The following SORCS2 variants were observed in gnomAD, a reference collection of about 807,000 sequenced individuals.
The protein encoded by SORCS2 is sortilin related VPS10 domain containing receptor 2.
In SORCS2, 100 loss-of-function variants were observed where a neutral mutation model predicts 141.6. The observed-to-expected ratio is 0.71, with a 90% CI of 0.60 to 0.83. The LOEUF (loss-of-function observed/expected upper bound fraction) is 0.83. Among genes scored for constraint, SORCS2 ranks in the 40% least tolerant of loss-of-function variants. The pLI is 0.00. For missense variants in SORCS2, 1,646 were observed against 1,560.2 expected, an observed-to-expected ratio of 1.05 and a Z score of -0.93; for synonymous variants, 789 against 676.9, an observed-to-expected ratio of 1.17 and a Z score of -2.57.
intron 2 of SORCS2, among the ~76,000 whole-genome samples, chr4:7,461,832 A>G (rs1729331813): frequency 6.6e-6 from 1 of 151,890 alleles, no homozygotes; most frequent in Non-Finnish European, 1.5e-5. Flanking sequence ...GCCCCACCCC[A>G]CATCTGCCCA....
intron 2 of SORCS2, among the ~76,000 whole-genome samples, chr4:7,402,585 A>T (rs1384435600): frequency 6.6e-6 from 1 of 152,064 alleles, no homozygotes. Flanking sequence ...AGATTTTGCC[A>T]CTCCAATCAG....
chr4:7,499,174 G>A (rs111828552), intron 2 of SORCS2, among the ~76,000 whole-genome samples: 2 of 152,104 alleles, frequency 1.3e-5, no homozygotes, highest in African/African-American at 4.8e-5. Context: ...GTGAGTGCAT[G>A]TATGTGTATG....
At chr4:7,620,724 C>A (rs930613389) in intron 3 of SORCS2, among the ~76,000 whole-genome samples, 1 of 152,216 alleles carries the variant, frequency 6.6e-6, no homozygotes, top group Non-Finnish European at 1.5e-5. Context: ...GGCTGTGGGG[C>A]AGGAGCTCTT....
chr4:7,500,798 C>T (rs1442779727), intron 2 of SORCS2, among the ~76,000 whole-genome samples: 1 of 152,180 alleles, frequency 6.6e-6, no homozygotes, highest in African/African-American at 2.4e-5. Flanking sequence ...CGAGTGGGAG[C>T]CTCAGCGACC....
At chr4:7,496,198 C>T (rs886357935) in intron 2 of SORCS2, among the ~76,000 whole-genome samples, 18 of 152,144 alleles carry the variant, frequency 1.2e-4, no homozygotes, top group African/African-American at 4.1e-4. Context: ...AACCTGACTC[C>T]CTGTCTATCA....
intron 3 of SORCS2, among the ~76,000 whole-genome samples, chr4:7,614,605 TCCACCTATC>T (rs1718634656): frequency 6.7e-6 from 1 of 148,900 alleles, no homozygotes; most frequent in Non-Finnish European, 1.5e-5. Context: ...CATCCACCTA[TCCACCTATC>T]CACCATCCAC....
At chr4:7,330,715 C>T (rs1480420278) in intron 1 of SORCS2, among the ~76,000 whole-genome samples, 1 of 152,064 alleles carries the variant, frequency 6.6e-6, no homozygotes, top group Non-Finnish European at 1.5e-5. Context: ...CGCACCTGCC[C>T]TCAGAGGCAG....
chr4:7,268,427 C>T (rs1560152552), intron 1 of SORCS2, among the ~76,000 whole-genome samples: 1 of 152,192 alleles, frequency 6.6e-6, no homozygotes, highest in East Asian at 1.9e-4. Flanking sequence ...AACCCCTCTC[C>T]CATCCCTCGT....
chr4:7,665,389 C>A (rs1023106497), intron 7 of SORCS2, among the ~76,000 whole-genome samples: 1 of 152,234 alleles, frequency 6.6e-6, no homozygotes, highest in African/African-American at 2.4e-5. Context: ...CCTGCCCAGT[C>A]TCCACTGCTC....
intron 12 of SORCS2, among the ~76,000 whole-genome samples, chr4:7,701,970 G>A (rs1237280052): frequency 6.6e-6 from 1 of 152,154 alleles, no homozygotes; most frequent in Non-Finnish European, 1.5e-5. Context: ...GGTCAGCCGA[G>A]CCTCCTTCCT....
At chr4:7,312,951 C>A (rs1284117933) in intron 1 of SORCS2, among the ~76,000 whole-genome samples, 2 of 152,368 alleles carry the variant, frequency 1.3e-5, no homozygotes, top group African/African-American at 4.8e-5. Context: ...CAGCGACTGT[C>A]CTGATAGCTG....
chr4:7,621,605 G>A (rs1223785683), intron 3 of SORCS2, among the ~76,000 whole-genome samples: 1 of 152,168 alleles, frequency 6.6e-6, no homozygotes, highest in Non-Finnish European at 1.5e-5. Flanking sequence ...GTCTATGTGT[G>A]TGTATTTTGG....
chr4:7,350,045 C>A (rs769529111), intron 1 of SORCS2, among the ~76,000 whole-genome samples: 1 of 152,150 alleles, frequency 6.6e-6, no homozygotes, highest in Non-Finnish European at 1.5e-5. Context: ...AAAAAATAGC[C>A]ATGAACGAAA....
chr4:7,370,074 C>T (rs76984738), intron 1 of SORCS2, among the ~76,000 whole-genome samples: 1 of 152,090 alleles, frequency 6.6e-6, no homozygotes, highest in African/African-American at 2.4e-5. Flanking sequence ...TCAGTGCCCC[C>T]CCAGCTTAGC....
chr4:7,196,860 G>A (rs960390589), intron 1 of SORCS2, among the ~76,000 whole-genome samples: 1 of 152,120 alleles, frequency 6.6e-6, no homozygotes, highest in Non-Finnish European at 1.5e-5. Flanking sequence ...TCTGAGTTAA[G>A]AGGTCAAGAA....
At chr4:7,278,385 T>C (rs73799449) in intron 1 of SORCS2, among the ~76,000 whole-genome samples, 4,213 of 150,930 alleles carry the variant, frequency 0.028, 180 homozygotes, top group African/African-American at 0.091. Context: ...TCACAGGGCT[T>C]TGCCTCTGTT....
chr4:7,707,918 C>G (rs1725574339), intron 14 of SORCS2, among the ~76,000 whole-genome samples: 2 of 152,194 alleles, frequency 1.3e-5, no homozygotes, highest in South Asian at 4.1e-4. Flanking sequence ...ACAGCTCACA[C>G]AGCTCCGCCC....
chr4:7,708,976 C>G (rs1202395172), intron 14 of SORCS2, among the ~76,000 whole-genome samples: 1 of 152,210 alleles, frequency 6.6e-6, no homozygotes, highest in Non-Finnish European at 1.5e-5. Flanking sequence ...TCCTTCATGA[C>G]TTTTGCCCAG....
chr4:7,362,960 C>T (rs1478946483), intron 1 of SORCS2, among the ~76,000 whole-genome samples: 2 of 150,556 alleles, frequency 1.3e-5, no homozygotes, highest in African/African-American at 4.9e-5. Context: ...TCACCACCAT[C>T]ATTACTGCAA....
Sources: allele counts gnomAD v4.1 joint callset (sites outside exome capture counted in the v4.1 genomes callset), GRCh38; gene constraint gnomAD v4.1.1; transcripts MANE v1.5; gene names NCBI Gene and HGNC (gene_info 2026-07-23, HGNC 2026-07-21).